The following MYO10 variants were observed in gnomAD, a reference collection of about 807,000 sequenced individuals.
MYO10 encodes unconventional myosin-X.
In MYO10, 133 loss-of-function variants were observed where a neutral mutation model predicts 257.3. The ratio of observed to expected loss-of-function variants is 0.52; its 90% CI spans 0.45 to 0.60. The LOEUF is 0.60. MYO10 is among the 20% of genes least tolerant of loss of function. The probability of loss-of-function intolerance (pLI) is 0.00; values close to 1 mark genes in which losing one functional copy is unlikely to be tolerated. For missense variants in MYO10, 2,399 were observed against 2,635.7 expected (o/e 0.91, Z 1.97); for synonymous variants, 1,104 against 1,028.6 (o/e 1.07, Z -1.40).
At chr5:16,771,861 A>G (rs2126659927) in intron 9 of MYO10, among the ~76,000 whole-genome samples, 1 of 150,576 alleles carries the variant, frequency 6.6e-6, no homozygotes, top group African/African-American at 2.4e-5. Flanking sequence ...AATTACAGGC[A>G]TGAGCCACCG....
rs571493229 is a variant in MYO10, at chr5:16,763,031, C to G, written c.1495-394G>C. Among the ~76,000 whole-genome samples the G allele has an allele frequency of 9.3e-5, 14 of 150,726 alleles. No individual in the cohort carries two copies. In the South Asian group the frequency reaches 2.7e-3, roughly 30 times the overall value. ...CAAACTATTTGAGAGCTCTTCTCTA[C>G]TCTCTAACAAATGAGTGGTTAAAAG... On this transcript the variant is annotated intron_variant, in intron 14 of 40. Coordinates refer to ENST00000513610, the MANE Select transcript of MYO10 (RefSeq NM_012334.3).
At position 16,676,082 on chromosome 5, in the gene MYO10, G is replaced by T. The variant is rs896118985; in HGVS notation, c.4615C>A (p.Pro1539Thr). The change falls in exon 34 of 41, where the codon CCC (proline) becomes ACC (threonine). Residue 1539 changes from proline (P) to threonine (T), a missense_variant. Around this residue, in one of 3 missense-constraint regions of MYO10, gnomAD observed 1,820 missense variants for 1,939.4 expected, o/e 0.94. Coordinates refer to ENST00000513610, the MANE Select transcript of MYO10 (RefSeq NM_012334.3). The part of the protein sequence containing the change: ...RNPILRYTHH[P>T]LHSPLLPLPY... ...AGGGGCAGGAGCGGGGAGTGCAAGG[G>T]GTGATGGGTGTATCGAAGGATCGGG... 2.0e-5 allele frequency: 32 copies of T among 1,613,348 alleles called. No homozygotes were observed. Among genetic ancestry groups the T allele is most frequent in the Non-Finnish European group, 2.7e-5 (32 of 1,179,688 alleles).
chr5:16,934,618 A>G (rs1045837264), intron 1 of MYO10, among the ~76,000 whole-genome samples: 1 of 152,232 alleles, frequency 6.6e-6, no homozygotes, highest in African/African-American at 2.4e-5. Flanking sequence ...GTATTGATGG[A>G]TAATTCCTTT....
At chr5:16,716,931 T>G (rs2126590054) in intron 19 of MYO10, among the ~76,000 whole-genome samples, 1 of 152,274 alleles carries the variant, frequency 6.6e-6, no homozygotes, top group East Asian at 1.9e-4. Context: ...CCTCCCAGGC[T>G]CAAGCAATTC....
chr5:16,692,036 GACA>G, intron 27 of MYO10, among the ~76,000 whole-genome samples: 1 of 152,302 alleles, frequency 6.6e-6, no homozygotes, highest in Admixed American at 6.5e-5. Flanking sequence ...AAAAACCAGT[GACA>G]ACATCTAGAC....
intron 2 of MYO10, among the ~76,000 whole-genome samples, chr5:16,844,558 C>T (rs942276086): frequency 4.6e-5 from 7 of 151,866 alleles, no homozygotes; most frequent in African/African-American, 1.7e-4. Flanking sequence ...TGAATGGTTG[C>T]TTTTTGAAAA....
At chr5:16,723,059 A>G (rs550146927) in intron 19 of MYO10, among the ~76,000 whole-genome samples, 2 of 152,304 alleles carry the variant, frequency 1.3e-5, no homozygotes, top group East Asian at 1.9e-4. Flanking sequence ...ATATGAAAAG[A>G]TATCACCTGT....
chr5:16,863,065 C>T (rs756897823), intron 2 of MYO10, among the ~76,000 whole-genome samples: 16 of 152,138 alleles, frequency 1.1e-4, no homozygotes, highest in Non-Finnish European at 2.2e-4. Context: ...GTGTAGTCTA[C>T]AGACCCAGGG....
At chr5:16,889,277 G>C (rs572197270) in intron 1 of MYO10, among the ~76,000 whole-genome samples, 5 of 151,866 alleles carry the variant, frequency 3.3e-5, no homozygotes, top group African/African-American at 1.2e-4. Flanking sequence ...ATGGTGGTGG[G>C]TGCCTGTAAT....
intron 33 of MYO10, among the ~76,000 whole-genome samples, chr5:16,676,915 T>G (rs1013470497): frequency 6.6e-6 from 1 of 152,256 alleles, no homozygotes; most frequent in African/African-American, 2.4e-5. Flanking sequence ...AGCTAAATCA[T>G]GTTATTTTTA....
chr5:16,878,284 A>G (rs1168076627), intron 1 of MYO10, among the ~76,000 whole-genome samples: 1 of 152,222 alleles, frequency 6.6e-6, no homozygotes, highest in Non-Finnish European at 1.5e-5. Context: ...ATCCATGTGT[A>G]AACTGGACTC....
chr5:16,733,645 T>C (rs1199131592), intron 19 of MYO10, among the ~76,000 whole-genome samples: 2 of 152,148 alleles, frequency 1.3e-5, no homozygotes, highest in South Asian at 4.1e-4. Flanking sequence ...AGTGGTTGCC[T>C]GAAAGTCATA....
At chr5:16,911,452 G>T (rs562445219) in intron 1 of MYO10, among the ~76,000 whole-genome samples, 1 of 152,278 alleles carries the variant, frequency 6.6e-6, no homozygotes, top group Non-Finnish European at 1.5e-5. Flanking sequence ...TGAGATTTCT[G>T]CTGGGCACTG....
At chr5:16,870,868 G>T (rs1274026289) in intron 2 of MYO10, among the ~76,000 whole-genome samples, 2 of 152,098 alleles carry the variant, frequency 1.3e-5, no homozygotes, top group Non-Finnish European at 2.9e-5. Context: ...CTCCAGCCTG[G>T]ACAACAAGAG....
intron 19 of MYO10, among the ~76,000 whole-genome samples, chr5:16,735,659 C>G (rs1376940473): frequency 1.3e-5 from 2 of 150,490 alleles, no homozygotes; most frequent in Non-Finnish European, 3.0e-5. Flanking sequence ...CACCGCCACA[C>G]TCTAGCCTAG....
At chr5:16,762,966 G>C (rs1166738802) in intron 14 of MYO10, among the ~76,000 whole-genome samples, 1 of 125,140 alleles carries the variant, frequency 8.0e-6, no homozygotes. Flanking sequence ...TCCGTCTCAG[G>C]GGAAAAAAAA....
chr5:16,734,531 A>T (rs1249727471), intron 19 of MYO10, among the ~76,000 whole-genome samples: 2 of 152,172 alleles, frequency 1.3e-5, no homozygotes, highest in Non-Finnish European at 2.9e-5. Context: ...CAGGCCGGGC[A>T]TGGTGGCTCA....
At chr5:16,874,357 G>GT in intron 2 of MYO10, among the ~76,000 whole-genome samples, 1 of 75,734 alleles carries the variant, frequency 1.3e-5, no homozygotes, top group Non-Finnish European at 2.7e-5. Context: ...GGGGGGGGGG[G>GT]GGTTTCTTTT....
intron 1 of MYO10, among the ~76,000 whole-genome samples, chr5:16,884,995 A>C (rs2126768416): frequency 6.6e-6 from 1 of 152,310 alleles, no homozygotes; most frequent in African/African-American, 2.4e-5. Context: ...CATGAACTTC[A>C]AAAATCCCAA....
Sources: allele counts gnomAD v4.1 joint callset (sites outside exome capture counted in the v4.1 genomes callset), GRCh38; gene constraint gnomAD v4.1.1; regional missense constraint gnomAD v4.1.1; transcripts MANE v1.5; gene names NCBI Gene and HGNC (gene_info 2026-07-23, HGNC 2026-07-21).